AKAP19: variants seen among roughly 807,000 people sequenced by gnomAD.
AKAP19 encodes the protein A-kinase anchoring protein 19, also known as small A-kinase anchoring protein.
the AKAP19 span, among the ~76,000 whole-genome samples, chr2:190,037,026 C>G: frequency 6.6e-6 from 1 of 152,194 alleles, no homozygotes; most frequent in African/African-American, 2.4e-5. Flanking sequence ...TCAGAGGTCT[C>G]ACTTTATTTT....
the AKAP19 span, among the ~76,000 whole-genome samples, chr2:190,124,541 C>G: frequency 6.6e-6 from 1 of 151,868 alleles, no homozygotes; most frequent in African/African-American, 2.4e-5. Flanking sequence ...AAAACCCTAT[C>G]TCTACAAAAA....
chr2:190,032,694 C>A, the AKAP19 span, among the ~76,000 whole-genome samples: 1 of 151,860 alleles, frequency 6.6e-6, no homozygotes, highest in African/African-American at 2.4e-5. Flanking sequence ...AGTGGCTCCC[C>A]TTATTATAAC....
chr2:189,989,132 T>C, the AKAP19 span, among the ~76,000 whole-genome samples: 2 of 152,324 alleles, frequency 1.3e-5, no homozygotes, highest in African/African-American at 4.8e-5. Flanking sequence ...TAGTTTAGTC[T>C]TTTCCCTAAT....
chr2:190,123,853 G>A, the AKAP19 span, among the ~76,000 whole-genome samples: 1 of 152,212 alleles, frequency 6.6e-6, no homozygotes, highest in Non-Finnish European at 1.5e-5. Flanking sequence ...CACCCTCAAT[G>A]TGAGTGGCCA....
the AKAP19 span, among the ~76,000 whole-genome samples, chr2:190,151,493 G>A: frequency 6.6e-6 from 1 of 152,300 alleles, no homozygotes; most frequent in South Asian, 2.1e-4. Context: ...AGTTTGCTGA[G>A]GATAATGGAT....
At chr2:190,024,683 A>T in the AKAP19 span, among the ~76,000 whole-genome samples, 2 of 152,134 alleles carry the variant, frequency 1.3e-5, no homozygotes, top group Non-Finnish European at 1.5e-5. Context: ...ACTCTGGCTG[A>T]TTCTAGGGTA....
At chr2:190,129,990 A>G in the AKAP19 span, among the ~76,000 whole-genome samples, 8 of 152,124 alleles carry the variant, frequency 5.3e-5, no homozygotes, top group Non-Finnish European at 1.0e-4. Context: ...ATGTTTATTC[A>G]TTCTTGTAAA....
At chr2:189,971,747 T>A in the AKAP19 span, among the ~76,000 whole-genome samples, 4 of 152,250 alleles carry the variant, frequency 2.6e-5, no homozygotes, top group African/African-American at 9.7e-5. Context: ...ATGAGCATTT[T>A]TTATTGTGAC....
chr2:189,914,762 A>C, the AKAP19 span, among the ~76,000 whole-genome samples: 3 of 152,096 alleles, frequency 2.0e-5, no homozygotes, highest in Admixed American at 6.5e-5. Context: ...AGTATATGAA[A>C]GGTATTGTGT....
chr2:190,179,754 T>C, the AKAP19 span, among the ~76,000 whole-genome samples: 1 of 152,246 alleles, frequency 6.6e-6, no homozygotes, highest in African/African-American at 2.4e-5. The surrounding 1 kb of genome is among the most constrained non-coding windows in gnomAD (Gnocchi z 6.0). Context: ...CCACTCTCTT[T>C]CGTTGTACTG....
chr2:190,192,139 G>A, the AKAP19 span, among the ~76,000 whole-genome samples: 1 of 151,950 alleles, frequency 6.6e-6, no homozygotes, highest in Non-Finnish European at 1.5e-5. Context: ...AAAGTATAAG[G>A]TATAAGTAGA....
chr2:190,199,250 C>G, the AKAP19 span, among the ~76,000 whole-genome samples: 47 of 152,252 alleles, frequency 3.1e-4, no homozygotes, highest in African/African-American at 1.0e-3. Context: ...ATATTTTAAG[C>G]TTTGTGGGCC....
the AKAP19 span, among the ~76,000 whole-genome samples, chr2:189,953,292 T>C: frequency 6.6e-6 from 1 of 152,136 alleles, no homozygotes; most frequent in South Asian, 2.1e-4. Flanking sequence ...AATAATAAAA[T>C]CAGCTGACAG....
At chr2:190,006,695 A>G in the AKAP19 span, among the ~76,000 whole-genome samples, 51 of 150,404 alleles carry the variant, frequency 3.4e-4, no homozygotes, top group South Asian at 6.9e-3. Flanking sequence ...GCATTGGTGC[A>G]ATGTAGTATG....
chr2:190,088,676 G>GT, the AKAP19 span, among the ~76,000 whole-genome samples: 1 of 152,114 alleles, frequency 6.6e-6, no homozygotes, highest in African/African-American at 2.4e-5. Flanking sequence ...GCAAAATTGA[G>GT]TTTTAGTTAA....
chr2:190,076,409 G>A, the AKAP19 span, among the ~76,000 whole-genome samples: 4 of 152,174 alleles, frequency 2.6e-5, no homozygotes. Flanking sequence ...AAAGATTGAA[G>A]TGTCTATATG....
At chr2:190,158,208 A>C in the AKAP19 span, among the ~76,000 whole-genome samples, 2 of 152,290 alleles carry the variant, frequency 1.3e-5, no homozygotes. Flanking sequence ...GAAATTGTGC[A>C]CTCGGGGAGC....
the AKAP19 span, among the ~76,000 whole-genome samples, chr2:189,966,518 C>T: frequency 2.0e-5 from 3 of 152,092 alleles, no homozygotes; most frequent in East Asian, 3.9e-4. Flanking sequence ...TAGTGGTCAC[C>T]AGGAGTTTGG....
At chr2:189,922,087 C>A in the AKAP19 span, among the ~76,000 whole-genome samples, 4 of 151,924 alleles carry the variant, frequency 2.6e-5, no homozygotes, top group Non-Finnish European at 5.9e-5. Context: ...GTGAGCTAGC[C>A]AGGTGAAGAG....
Sources: allele counts gnomAD v4.1 joint callset (sites outside exome capture counted in the v4.1 genomes callset), GRCh38; gene constraint gnomAD v4.1.1; non-coding constraint Gnocchi (gnomAD v3.1); transcripts MANE v1.5; gene names NCBI Gene and HGNC (gene_info 2026-07-23, HGNC 2026-07-21).